The following CPED1 variants were observed in gnomAD, a reference collection of about 807,000 sequenced individuals.
The protein encoded by CPED1 is cadherin-like and PC-esterase domain-containing protein 1.
In CPED1, 114 loss-of-function variants were observed where a neutral mutation model predicts 128.2. The ratio of observed to expected loss-of-function variants is 0.89; its 90% CI spans 0.76 to 1.04. CPED1 has a LOEUF of 1.04. Ranked by LOEUF, CPED1 falls within the 50% of genes least tolerant of loss-of-function variation. The pLI is 0.00. For synonymous variants in CPED1, 462 were observed against 426.7 expected (o/e 1.08, Z -1.02); for missense variants, 1,211 against 1,207.1 (o/e 1.00, Z -0.05).
At chr7:121,252,845 C>T (rs1206360941) in intron 18 of CPED1, among the ~76,000 whole-genome samples, 1 of 152,152 alleles carries the variant, frequency 6.6e-6, no homozygotes, top group Non-Finnish European at 1.5e-5. Context: ...GAAATAGGAA[C>T]ACTTTTACAC....
chr7:121,154,958 T>TA lies in CPED1; in HGVS notation c.2055+12818dup, dbSNP rs1796252137. Among the ~76,000 whole-genome samples, 6 of 152,334 alleles carry TA rather than the reference T, an allele frequency of 3.9e-5. No homozygotes were observed. The South Asian group carries it at 1.2e-3, about 32-fold the overall frequency. ...TTTGTGTTCACAGATGACATGATCT[T>TA]ATACCTAGAAAATCCTAAATACTCT... On this transcript the variant is annotated intron_variant, in intron 16 of 22. Transcript: ENST00000310396.
rs34082656 is a variant in CPED1, at chr7:121,073,807, A to ATTT, written c.616+9511_616+9513dup. Among the ~76,000 whole-genome samples the ATTT allele has an allele frequency of 1.7e-3, 228 of 134,284 alleles. 2 individuals carry two copies. The highest frequency in any genetic ancestry group is 5.2e-3 in the African/African-American group (189 of 36,104). 88.1% of individuals were successfully genotyped at this position (134,284 alleles called of 152,430 possible). On this transcript the variant is annotated intron_variant, in intron 5 of 22. Coordinates refer to ENST00000310396, the MANE Select transcript of CPED1 (RefSeq NM_024913.5). ...ATCTTGAAACCCTTCACCTCTTCCC[A>ATTT]TTTTTTTTTTTTTTTTTTTGCCAAA...
chr7:121,214,674 A>T (rs1797720342), intron 16 of CPED1, among the ~76,000 whole-genome samples: 1 of 152,126 alleles, frequency 6.6e-6, no homozygotes, highest in Admixed American at 6.6e-5. Flanking sequence ...CATGTCGTAG[A>T]TACAAGTATG....
Position 121,296,786 on chromosome 7 carries a change from A to G in CPED1, c.*1134A>G, listed in dbSNP as rs187686740. 4 of 152,514 alleles carry G rather than the reference A, an allele frequency of 2.6e-5. No individual in the cohort carries two copies. The highest frequency in any genetic ancestry group is 1.3e-4 in the Admixed American group (2 of 15,270). 9.4% of individuals were successfully genotyped at this position (152,514 alleles called of 1,614,324 possible). A position where few individuals can be genotyped will look rare whatever the true frequency, so the allele number is the denominator to read the frequency against. ...AAATGGTGAATTTCTTTATTATATG[A>G]ATGCTTTGTTGTGAGATAACATCAC... On this transcript the variant is annotated 3_prime_UTR_variant, in exon 23 of 23. Coordinates refer to ENST00000310396, the MANE Select transcript of CPED1 (RefSeq NM_024913.5).
chr7:121,293,091 A>T (rs1226422376), intron 22 of CPED1, among the ~76,000 whole-genome samples: 1 of 152,154 alleles, frequency 6.6e-6, no homozygotes, highest in Non-Finnish European at 1.5e-5. Flanking sequence ...GCAAGCAGGA[A>T]CGTTTAAGTC....
At chr7:121,279,476 T>TAAG (rs1438413417) in intron 22 of CPED1, among the ~76,000 whole-genome samples, 16 of 147,450 alleles carry the variant, frequency 1.1e-4, no homozygotes, top group Non-Finnish European at 2.4e-4. Flanking sequence ...AAAAACAGAA[T>TAAG]AACTCATAAC....
intron 7 of CPED1, among the ~76,000 whole-genome samples, chr7:121,113,717 A>G (rs1795168267): frequency 6.6e-6 from 1 of 152,124 alleles, no homozygotes; most frequent in African/African-American, 2.4e-5. Flanking sequence ...CCAGATGAAG[A>G]TATACTGGAG....
At chr7:121,217,109 T>G (rs920155201) in intron 16 of CPED1, among the ~76,000 whole-genome samples, 4 of 151,988 alleles carry the variant, frequency 2.6e-5, no homozygotes, top group African/African-American at 9.7e-5. Context: ...CAAGCTGGAA[T>G]GCAGTGCAGT....
At chr7:120,993,659 A>T (rs2116732224) in intron 2 of CPED1, among the ~76,000 whole-genome samples, 1 of 152,342 alleles carries the variant, frequency 6.6e-6, no homozygotes, top group Non-Finnish European at 1.5e-5. Flanking sequence ...GGAGGCAAAC[A>T]CTTGCATGCT....
At chr7:121,161,941 A>C (rs1450972175) in intron 16 of CPED1, among the ~76,000 whole-genome samples, 2 of 152,212 alleles carry the variant, frequency 1.3e-5, no homozygotes, top group Non-Finnish European at 2.9e-5. Flanking sequence ...TCTTCAATTA[A>C]AACTATTGTC....
chr7:121,112,605 C>T (rs1040883907), intron 7 of CPED1, among the ~76,000 whole-genome samples: 6 of 152,166 alleles, frequency 3.9e-5, no homozygotes, highest in African/African-American at 1.4e-4. Context: ...ATAAATTTCT[C>T]TAGTTTTAAA....
chr7:121,227,218 T>G (rs10953931), intron 16 of CPED1, among the ~76,000 whole-genome samples: 53,160 of 151,850 alleles, frequency 0.35, 9,660 homozygotes, highest in Middle Eastern at 0.5. Context: ...TCTATTCCAG[T>G]GGCCCTTTCT....
intron 22 of CPED1, among the ~76,000 whole-genome samples, chr7:121,286,825 A>G (rs1792588738): frequency 6.6e-6 from 1 of 152,166 alleles, no homozygotes; most frequent in African/African-American, 2.4e-5. Context: ...TCATACTGCT[A>G]TAAAGGACTT....
chr7:121,086,340 A>C (rs1584501718), intron 5 of CPED1, among the ~76,000 whole-genome samples: 2 of 152,340 alleles, frequency 1.3e-5, no homozygotes, highest in South Asian at 4.1e-4. Flanking sequence ...GAAATGTGCC[A>C]GGTGTACTCA....
chr7:121,266,494 T>C, intron 19 of CPED1, 47 bp downstream of exon 19: 1 of 1,481,220 alleles, frequency 6.8e-7, no homozygotes, highest in Non-Finnish European at 9.4e-7. Flanking sequence ...AAAGTACTGA[T>C]GTTCTGCTAG....
chr7:121,262,441 T>C (rs914024083), intron 18 of CPED1, among the ~76,000 whole-genome samples: 1 of 152,008 alleles, frequency 6.6e-6, no homozygotes. Context: ...ATGGGAAAAA[T>C]ACCAATTCCT....
intron 16 of CPED1, among the ~76,000 whole-genome samples, chr7:121,152,777 A>C (rs560539502): frequency 5.3e-5 from 8 of 152,352 alleles, no homozygotes; most frequent in Non-Finnish European, 1.2e-4. Flanking sequence ...GAGATTTTCA[A>C]ATTTCTTAAA....
At chr7:121,139,377 G>A (rs998473290) in intron 14 of CPED1, among the ~76,000 whole-genome samples, 1 of 151,546 alleles carries the variant, frequency 6.6e-6, no homozygotes, top group African/African-American at 2.4e-5. Flanking sequence ...ATAGAGTATA[G>A]GTCAGAAATA....
intron 2 of CPED1, among the ~76,000 whole-genome samples, chr7:121,008,283 C>G (rs1481594032): frequency 6.6e-6 from 1 of 152,178 alleles, no homozygotes; most frequent in Non-Finnish European, 1.5e-5. Flanking sequence ...AAATTCTCCA[C>G]TACTCACCGC....
Sources: gnomAD v4.1 joint callset for allele counts (sites outside exome capture counted in the v4.1 genomes callset) on GRCh38, gnomAD v4.1.1 for gene constraint, MANE v1.5 for transcripts, NCBI Gene and HGNC (gene_info 2026-07-23, HGNC 2026-07-21) for gene names.